Variants in CCDC144A observed in about 807,000 individuals in gnomAD.
CCDC144A encodes the protein coiled-coil domain-containing protein 144A.
In CCDC144A, 41 loss-of-function variants were observed where a neutral mutation model predicts 143.8. The observed-to-expected ratio is 0.29, with a 90% CI of 0.22 to 0.37. The LOEUF (loss-of-function observed/expected upper bound fraction) is 0.37, where lower values mean the gene tolerates loss of function less well. Ranked by LOEUF, CCDC144A falls within the 10% of genes least tolerant of loss-of-function variation. The pLI, the probability that CCDC144A is intolerant of heterozygous loss-of-function variation, is 1.00. For synonymous variants in CCDC144A, 242 were observed against 517.9 expected (o/e 0.47, Z 7.23); for missense variants, 637 against 1,488.8 (o/e 0.43, Z 9.41).
intron 15 of CCDC144A, among the ~76,000 whole-genome samples, chr17:16,769,661 G>A (rs961042160): frequency 6.6e-6 from 1 of 152,056 alleles, no homozygotes; most frequent in Non-Finnish European, 1.5e-5. Flanking sequence ...TTGAAAAATG[G>A]GTTCTTTATA....
chr17:16,688,522 C>A (rs1910870808), upstream of CCDC144A, among the ~76,000 whole-genome samples: 1 of 134,204 alleles, frequency 7.5e-6, no homozygotes. Context: ...TGGAGTCTAG[C>A]CCTGTCGCCA....
At chr17:16,715,881 T>G (rs895500856) in intron 6 of CCDC144A, among the ~76,000 whole-genome samples, 4 of 152,084 alleles carry the variant, frequency 2.6e-5, no homozygotes, top group African/African-American at 9.7e-5. Flanking sequence ...TTGGAGCGAG[T>G]TTGTGTTTAA....
At chr17:16,766,060 A>C (rs1273274242) in intron 15 of CCDC144A, 1 of 152,438 alleles carries the variant, frequency 6.6e-6, no homozygotes, top group Non-Finnish European at 1.5e-5. Context: ...GGTTTTATAC[A>C]TTTTAGGGGG....
At chr17:16,685,734 G>C (rs1361474610), upstream of CCDC144A, among the ~76,000 whole-genome samples, 1 of 151,966 alleles carries the variant, frequency 6.6e-6, no homozygotes, top group Non-Finnish European at 1.5e-5. Flanking sequence ...GGGGGAGTGG[G>C]AGTGTTTTCT....
rs1243985617 is a variant in CCDC144A, at chr17:16,775,682, A to G, written c.*2049A>G. ...GGTTTACTCTGTTGATAGGTTCTTA[A>G]TGCTGTGCAGAAGCTCTTTAGTTTA... is the stretch of plus-strand genomic sequence containing the variant. On this transcript the variant is annotated 3_prime_UTR_variant, in exon 17 of 17. Coordinates refer to ENST00000399273, the MANE Select transcript of CCDC144A (RefSeq NM_001382000.1). The G allele has an allele frequency of 2.6e-5, 4 of 152,074 alleles. No homozygotes were observed. Among genetic ancestry groups the G allele is most frequent in the Non-Finnish European group, 5.9e-5 (4 of 68,014 alleles). The allele number at this position is 152,074 out of a possible 1,614,324, so 9.4% of individuals were successfully genotyped here.
intron 11 of CCDC144A, 50 bp from the exon 12 acceptor site, chr17:16,734,640 A>G: frequency 6.2e-6 from 9 of 1,440,810 alleles, no homozygotes; most frequent in Non-Finnish European, 8.3e-6. Flanking sequence ...AGAGAAAATC[A>G]TAATCTGTCA....
intron 4 of CCDC144A, among the ~76,000 whole-genome samples, chr17:16,707,817 G>C (rs1371646686): frequency 6.6e-6 from 1 of 152,070 alleles, no homozygotes; most frequent in African/African-American, 2.4e-5. Context: ...TATCCTTATG[G>C]GATAAAGAAG....
At chr17:16,683,224 A>G in the CCDC144A span, among the ~76,000 whole-genome samples, 1 of 152,222 alleles carries the variant, frequency 6.6e-6, no homozygotes, top group Admixed American at 6.5e-5. Flanking sequence ...GTAAGTATGC[A>G]TATGTTCCTG....
At chr17:16,741,134 C>T (rs370735939) in intron 12 of CCDC144A, among the ~76,000 whole-genome samples, 46 of 151,978 alleles carry the variant, frequency 3.0e-4, no homozygotes, top group Middle Eastern at 6.8e-3. Flanking sequence ...CTTGTTGTCT[C>T]CTTGTTTAAA....
chr17:16,701,891 A>C (rs1911756741), intron 2 of CCDC144A, among the ~76,000 whole-genome samples: 1 of 149,042 alleles, frequency 6.7e-6, no homozygotes, highest in South Asian at 2.1e-4. Flanking sequence ...GGACGGGATA[A>C]TCTCAGGAGC....
chr17:16,698,728 C>T (rs1911557681), intron 2 of CCDC144A, among the ~76,000 whole-genome samples: 5 of 152,190 alleles, frequency 3.3e-5, no homozygotes, highest in South Asian at 4.1e-4. Flanking sequence ...ACCAGATGCA[C>T]GTATATATCC....
Position 16,709,310 on chromosome 17 carries a change from A to G in CCDC144A, c.1253A>G (p.Asp418Gly). Reference protein sequence around the residue: ...KPGIGHIFSTDKNFHNDASTK... With the variant: ...KPGIGHIFSTGKNFHNDASTK... ...GGCATTGGACATATTTTTAGTACAGATAAGAACTTTCATAATGATGCAAGC... is the reference window on the plus strand; with the variant it reads ...GGCATTGGACATATTTTTAGTACAGGTAAGAACTTTCATAATGATGCAAGC... Residue 418 changes from aspartate (D) to glycine (G), a missense_variant, in exon 5 of 17, where the codon GAT (aspartate) becomes GGT (glycine). Coordinates refer to ENST00000399273, the MANE Select transcript of CCDC144A (RefSeq NM_001382000.1). The G allele has an allele frequency of 6.2e-7, 1 of 1,611,642 alleles. No individual in the cohort carries two copies. Among genetic ancestry groups the G allele is most frequent in the Non-Finnish European group, 8.5e-7 (1 of 1,179,584 alleles).
At chr17:16,764,388 A>G in intron 15 of CCDC144A, 1 of 1,131,190 alleles carries the variant, frequency 8.8e-7, no homozygotes, top group Non-Finnish European at 1.2e-6. Context: ...TTATTTAATA[A>G]ATGTAACCAA....
At chr17:16,711,136 G>GAAAAAAAAAAAAAAAAAAAAAAAAAAAAA (rs1210697273) in intron 5 of CCDC144A, among the ~76,000 whole-genome samples, 2 of 21,776 alleles carry the variant, frequency 9.2e-5, no homozygotes, top group African/African-American at 1.7e-4. Context: ...GGATTCAAAT[G>GAAAAAAAAAAAAAAAAAAAAAAAAAAAAA]AAAAAAAAAA....
chr17:16,754,271 T>G (rs986122697), intron 12 of CCDC144A, among the ~76,000 whole-genome samples: 4 of 152,236 alleles, frequency 2.6e-5, no homozygotes, highest in Non-Finnish European at 5.9e-5. Context: ...TGCCCTGCCT[T>G]TATCATTTCT....
At chr17:16,697,766 A>T (rs1295778265) in intron 2 of CCDC144A, among the ~76,000 whole-genome samples, 1 of 152,234 alleles carries the variant, frequency 6.6e-6, no homozygotes, top group Non-Finnish European at 1.5e-5. Flanking sequence ...ATATAAACAT[A>T]AAATAAACGT....
At chr17:16,767,896 C>T (rs899481176) in intron 15 of CCDC144A, among the ~76,000 whole-genome samples, 2 of 152,202 alleles carry the variant, frequency 1.3e-5, no homozygotes, top group East Asian at 1.9e-4. Context: ...AACTGAGAGT[C>T]GGGCTGCTAT....
At chr17:16,716,821 T>G (rs1402423176) in intron 6 of CCDC144A, among the ~76,000 whole-genome samples, 1 of 149,868 alleles carries the variant, frequency 6.7e-6, no homozygotes, top group Non-Finnish European at 1.5e-5. Flanking sequence ...TGTTTTTTTT[T>G]TTTTTTTTTT....
the CCDC144A span, among the ~76,000 whole-genome samples, chr17:16,676,358 A>G: frequency 3.3e-5 from 5 of 151,876 alleles, no homozygotes; most frequent in Non-Finnish European, 5.9e-5. Context: ...CTAAAATACA[A>G]AAATTAGCTG....
Sources: gnomAD v4.1 joint callset for allele counts (sites outside exome capture counted in the v4.1 genomes callset) on GRCh38, gnomAD v4.1.1 for gene constraint, MANE v1.5 for transcripts, NCBI Gene and HGNC (gene_info 2026-07-23, HGNC 2026-07-21) for gene names.